GPHN: variants seen among roughly 807,000 people sequenced by gnomAD.
GPHN encodes gephyrin.
GPHN carries 17 observed loss-of-function variants against 95.5 expected under a neutral mutation model. The observed-to-expected ratio is 0.18, with a 90% CI of 0.12 to 0.27. The LOEUF (loss-of-function observed/expected upper bound fraction) is 0.27. Among genes scored for constraint, GPHN ranks in the 10% least tolerant of loss-of-function variants. The pLI, the probability that GPHN is intolerant of heterozygous loss-of-function variation, is 1.00. For missense variants in GPHN, 660 were observed against 978.1 expected, an observed-to-expected ratio of 0.67 and a Z score of 4.34; for synonymous variants, 320 against 322.5, an observed-to-expected ratio of 0.99 and a Z score of 0.08.
intron 17 of GPHN, among the ~76,000 whole-genome samples, chr14:67,129,223 A>G (rs940129935): frequency 2.0e-5 from 3 of 152,054 alleles, no homozygotes; most frequent in African/African-American, 7.2e-5. Flanking sequence ...CCCCTTATGC[A>G]TTATTAAAAA....
At chr14:66,896,582 CCTGGGGTACAGAGTGAGACCCTCT>C (rs2064861328) in intron 5 of GPHN, among the ~76,000 whole-genome samples, 1 of 151,966 alleles carries the variant, frequency 6.6e-6, no homozygotes, top group Non-Finnish European at 1.5e-5. Context: ...ACTGCACTCG[CCTGGGGTACAGAGTGAGACCCTCT>C]CTTAAAAAAA....
the GPHN span, chr14:67,615,841 G>C: frequency 3.2e-6 from 2 of 621,462 alleles, no homozygotes; most frequent in East Asian, 6.6e-5. Flanking sequence ...ATTCTGGCCT[G>C]TCCATTGGTG....
At chr14:67,681,414 A>C in the GPHN span, among the ~76,000 whole-genome samples, 483 of 152,350 alleles carry the variant, frequency 3.2e-3, 5 homozygotes, top group African/African-American at 0.011. Context: ...CTGTCTTTTC[A>C]ACAAATGGTG....
At chr14:66,509,808 A>G (rs2057967233) in intron 1 of GPHN, among the ~76,000 whole-genome samples, 1 of 152,140 alleles carries the variant, frequency 6.6e-6, no homozygotes, top group Non-Finnish European at 1.5e-5. Flanking sequence ...GTGCTCGAGA[A>G]GGGACTAAAT....
the GPHN span, among the ~76,000 whole-genome samples, chr14:67,710,264 G>A: frequency 0.064 from 9,779 of 152,202 alleles, 995 homozygotes; most frequent in African/African-American, 0.22. Context: ...TAAATTAACT[G>A]AGACCTGTCT....
chr14:67,150,455 A>AAC (rs2081202567), intron 18 of GPHN, among the ~76,000 whole-genome samples: 1 of 129,520 alleles, frequency 7.7e-6, no homozygotes, highest in East Asian at 2.0e-4. Flanking sequence ...AAAAAAAACA[A>AAC]AAAAAAAAAA....
chr14:66,597,244 C>G (rs1197479857), intron 1 of GPHN, among the ~76,000 whole-genome samples: 1 of 152,112 alleles, frequency 6.6e-6, no homozygotes, highest in Non-Finnish European at 1.5e-5. Flanking sequence ...GGGGTAAGGA[C>G]AGCTCAAAAA....
At chr14:67,255,548 A>C in the GPHN span, among the ~76,000 whole-genome samples, 60 of 152,232 alleles carry the variant, frequency 3.9e-4, no homozygotes, top group Non-Finnish European at 8.7e-4. Context: ...TAATGATTGC[A>C]TAAGTGATTT....
chr14:66,671,229 A>G (rs939681940), intron 1 of GPHN, among the ~76,000 whole-genome samples: 1 of 152,188 alleles, frequency 6.6e-6, no homozygotes, highest in Non-Finnish European at 1.5e-5. Flanking sequence ...GAATTCTGTT[A>G]GGTTTTCGTG....
intron 18 of GPHN, among the ~76,000 whole-genome samples, chr14:67,153,326 CTCA>C (rs1432804839): frequency 6.6e-6 from 1 of 152,168 alleles, no homozygotes; most frequent in Non-Finnish European, 1.5e-5. Context: ...ACATTTATTT[CTCA>C]TAATTCTGAA....
intron 1 of GPHN, among the ~76,000 whole-genome samples, chr14:66,605,201 T>G (rs1437739607): frequency 1.3e-5 from 2 of 152,152 alleles, no homozygotes; most frequent in Non-Finnish European, 2.9e-5. Context: ...TTTATTTGCC[T>G]TTGGGTATAT....
chr14:66,831,796 C>T (rs532819534), intron 4 of GPHN, among the ~76,000 whole-genome samples: 3 of 152,136 alleles, frequency 2.0e-5, no homozygotes, highest in Non-Finnish European at 4.4e-5. Flanking sequence ...TTACATATAG[C>T]AATTACTGTG....
intron 9 of GPHN, among the ~76,000 whole-genome samples, chr14:67,013,140 T>TTTA (rs1179654639): frequency 2.0e-5 from 3 of 151,982 alleles, no homozygotes; most frequent in East Asian, 1.9e-4. Context: ...CATACTCTTT[T>TTTA]TTATTATTAT....
intron 1 of GPHN, among the ~76,000 whole-genome samples, chr14:66,599,700 G>T (rs1460553565): frequency 6.6e-6 from 1 of 151,226 alleles, no homozygotes; most frequent in Admixed American, 6.6e-5. Flanking sequence ...TACTTGTGTT[G>T]TTTAAGATAT....
At chr14:67,526,267 C>T in the GPHN span, among the ~76,000 whole-genome samples, 1 of 152,250 alleles carries the variant, frequency 6.6e-6, no homozygotes, top group African/African-American at 2.4e-5. Context: ...TGTATCCCAT[C>T]ACTTTATCTG....
intron 2 of GPHN, among the ~76,000 whole-genome samples, chr14:66,742,586 C>T (rs2072884199): frequency 6.6e-6 from 1 of 152,120 alleles, no homozygotes; most frequent in African/African-American, 2.4e-5. Flanking sequence ...TTTTAGCAGC[C>T]ATGATGGTGG....
chr14:66,553,900 G>T (rs912838494), intron 1 of GPHN, among the ~76,000 whole-genome samples: 1 of 152,016 alleles, frequency 6.6e-6, no homozygotes, highest in African/African-American at 2.4e-5. Flanking sequence ...TTAAGCTCTG[G>T]AATTTTCATT....
chr14:66,787,833 ATAG>A (rs1178854487), intron 3 of GPHN, among the ~76,000 whole-genome samples: 1 of 151,096 alleles, frequency 6.6e-6, no homozygotes, highest in African/African-American at 2.4e-5. Context: ...TTCAAAATAC[ATAG>A]TAGGCTTTAA....
At chr14:67,604,074 C>A in the GPHN span, among the ~76,000 whole-genome samples, 1 of 151,790 alleles carries the variant, frequency 6.6e-6, no homozygotes, top group African/African-American at 2.4e-5. Context: ...CTCACTGCAA[C>A]TTCCACCTCC....
Sources: gnomAD v4.1 joint callset for allele counts (sites outside exome capture counted in the v4.1 genomes callset) on GRCh38, gnomAD v4.1.1 for gene constraint, MANE v1.5 for transcripts, NCBI Gene and HGNC (gene_info 2026-07-23, HGNC 2026-07-21) for gene names.